Variants in RPAP2 observed in about 807,000 individuals in gnomAD.
RPAP2 encodes the protein putative RNA polymerase II subunit B1 CTD phosphatase RPAP2.
A neutral mutation model predicts 73.1 loss-of-function variants in RPAP2; 52 were observed. The ratio of observed to expected loss-of-function variants is 0.71; its 90% confidence interval spans 0.57 to 0.90. RPAP2 has a LOEUF of 0.90. Among genes scored for constraint, RPAP2 ranks in the 40% least tolerant of loss-of-function variants. RPAP2 has a pLI of 0.00. For synonymous variants in RPAP2, 225 were observed against 242.1 expected (o/e 0.93, Z 0.65); for missense variants, 598 against 701.8 (o/e 0.85, Z 1.67).
chr1:92,301,759 C>A (rs1650873924), intron 3 of RPAP2, among the ~76,000 whole-genome samples, 169 bp downstream of exon 3: 1 of 152,150 alleles, frequency 6.6e-6, no homozygotes, highest in African/African-American at 2.4e-5. Context: ...ATCATGCATT[C>A]CTTGTATAAT....
intron 11 of RPAP2, among the ~76,000 whole-genome samples, chr1:92,356,027 A>T (rs1196982183): frequency 6.6e-6 from 1 of 152,226 alleles, no homozygotes; most frequent in East Asian, 1.9e-4. Flanking sequence ...GAAATGTGTA[A>T]ATTAATTTTT....
At chr1:92,328,702 T>C (rs1336358732) in intron 8 of RPAP2, among the ~76,000 whole-genome samples, 3 of 152,202 alleles carry the variant, frequency 2.0e-5, no homozygotes, top group East Asian at 1.9e-4. Flanking sequence ...GTATGATGTT[T>C]TGGGTTGTTA....
At chr1:92,378,184 TATTCATTCATTCATTC>T (rs751055550) in intron 11 of RPAP2, among the ~76,000 whole-genome samples, 3 of 151,638 alleles carry the variant, frequency 2.0e-5, no homozygotes, top group South Asian at 4.2e-4. Context: ...CCACTTTATT[TATTCATTCATTCATTC>T]ATTCATTCAT....
In RPAP2 at chr1:92,345,848, T is replaced by A. The variant is rs1445027966; in HGVS notation, c.1622T>A (p.Leu541Ter). 3 of 1,577,296 alleles carry A rather than the reference T, an allele frequency of 1.9e-6. No homozygotes were observed. The highest frequency in any genetic ancestry group is 2.6e-6 in the Non-Finnish European group (3 of 1,149,690). The change falls in exon 11 of 13, where the codon TTA becomes TAA. Residue 541 changes from leucine to a stop codon, truncating the protein, a stop_gained and splice_region_variant. Transcript: ENST00000610020. LOFTEE classifies it high-confidence loss of function. ...QLKNLVRTFR[L>*]TNRNIIHKPA... ...GATAAATTTTATCTATCTTTCAGGT[T>A]AACAAATAGAAATATTATACACAAA...
intron 6 of RPAP2, 59 bp from the exon 7 acceptor site, chr1:92,320,540 G>T (rs997346052): frequency 3.9e-5 from 57 of 1,452,290 alleles, no homozygotes; most frequent in Non-Finnish European, 4.5e-5. Context: ...AAAGTGCTGG[G>T]GTTACAGGCA....
rs1165686427 is a variant in RPAP2 at position 92,324,127 on chromosome 1, G to A, written c.1207G>A (p.Val403Ile). 2.5e-6 allele frequency: 4 copies of A among 1,614,006 alleles called. No homozygotes were observed. The African/African-American group carries it at 4.0e-5, about 16-fold the overall frequency. Reference protein sequence around the residue: ...SVCLKPEASLVKEELDEDDII... With the variant: ...SVCLKPEASLIKEELDEDDII... Reference sequence around the variant, plus strand: ...GTGTCTGAAACCCGAAGCCTCTCTGGTTAAAGAAGAACTTGATGAAGATGA... The same window carrying A: ...GTGTCTGAAACCCGAAGCCTCTCTGATTAAAGAAGAACTTGATGAAGATGA... Residue 403 changes from valine (V) to isoleucine (I), a missense_variant, in exon 8 of 13, where the codon GTT becomes ATT. Val to Ile is a conservative substitution (Grantham distance 29). Coordinates refer to ENST00000610020, the MANE Select transcript of RPAP2 (RefSeq NM_024813.3).
At chr1:92,369,009 AGTT>A (rs1655041313) in intron 11 of RPAP2, among the ~76,000 whole-genome samples, 1 of 152,170 alleles carries the variant, frequency 6.6e-6, no homozygotes, top group Non-Finnish European at 1.5e-5. Context: ...TTATCATGTG[AGTT>A]GTTTTCAAAT....
At chr1:92,334,907 G>C (rs539105988) in intron 9 of RPAP2, among the ~76,000 whole-genome samples, 4 of 152,072 alleles carry the variant, frequency 2.6e-5, no homozygotes, top group Non-Finnish European at 4.4e-5. Context: ...AGAATGGCCC[G>C]AACCCAGGAG....
chr1:92,331,365 A>C (rs1475135074), intron 8 of RPAP2, among the ~76,000 whole-genome samples: 2 of 152,170 alleles, frequency 1.3e-5, no homozygotes, highest in African/African-American at 4.8e-5. Context: ...ATTTGGGTTT[A>C]AATCTACCAT....
chr1:92,338,628 C>G (rs1275462709), intron 10 of RPAP2, among the ~76,000 whole-genome samples: 1 of 149,490 alleles, frequency 6.7e-6, no homozygotes, highest in Non-Finnish European at 1.5e-5. Flanking sequence ...AAGGTCAGAT[C>G]AGGCAGAGGC....
intron 3 of RPAP2, among the ~76,000 whole-genome samples, chr1:92,302,414 T>C (rs141996663): frequency 5.9e-4 from 90 of 152,060 alleles, no homozygotes; most frequent in African/African-American, 2.0e-3. Flanking sequence ...TTGATTTTCT[T>C]CAATTTGTTC....
intron 11 of RPAP2, among the ~76,000 whole-genome samples, chr1:92,366,255 A>G (rs1275697122): frequency 6.6e-6 from 1 of 152,166 alleles, no homozygotes; most frequent in Non-Finnish European, 1.5e-5. Context: ...GTGAGCTGTG[A>G]TTGCACCACT....
intron 11 of RPAP2, among the ~76,000 whole-genome samples, chr1:92,347,182 TATC>T (rs946690128): frequency 6.6e-6 from 1 of 152,240 alleles, no homozygotes; most frequent in African/African-American, 2.4e-5. Flanking sequence ...ATAAATTTTT[TATC>T]AACCATAAGA....
intron 11 of RPAP2, among the ~76,000 whole-genome samples, chr1:92,379,796 G>A (rs1339880355): frequency 4.0e-5 from 6 of 151,402 alleles, no homozygotes; most frequent in South Asian, 2.1e-4. Flanking sequence ...TTAGCCAGGC[G>A]TGGTGGCACA....
rs187388358 is a variant in RPAP2, at chr1:92,398,487, G to A, written c.*11476G>A. 6.6e-6 allele frequency: 1 copy of A among 152,278 alleles called. No homozygotes were observed. The highest frequency in any genetic ancestry group is 6.5e-5 in the Admixed American group (1 of 15,286). The allele number at this position is 152,278 out of a possible 1,614,324, so 9.4% of individuals were successfully genotyped here. On this transcript the variant is annotated 3_prime_UTR_variant, in exon 13 of 13. Coordinates refer to ENST00000610020, the MANE Select transcript of RPAP2 (RefSeq NM_024813.3). ...CTCTAAAAAATTAACCTAGCCCAAG[G>A]TAAGTGGTACTATTCTGAAATCTGA...
chr1:92,321,811 A>G lies in RPAP2; in HGVS notation c.524+1177A>G, dbSNP rs149803866. Among the ~76,000 whole-genome samples the G allele has an allele frequency of 8.0e-4, 122 of 151,734 alleles. 1 individual carries two copies. The East Asian group carries it at 0.02, about 25-fold the overall frequency. On this transcript the variant is annotated intron_variant, in intron 7 of 12. Coordinates refer to ENST00000610020, the MANE Select transcript of RPAP2 (RefSeq NM_024813.3). ...TTTCCTGTGATTTTCATTCTGTAGA[A>G]TTTTCTGTACAACAATCAACCAGAA... is the stretch of plus-strand genomic sequence containing the variant.
chr1:92,319,138 C>T (rs1652103294), intron 6 of RPAP2, among the ~76,000 whole-genome samples: 1 of 152,080 alleles, frequency 6.6e-6, no homozygotes, highest in South Asian at 2.1e-4. Flanking sequence ...AGACTGTATC[C>T]ATCTTTATAA....
chr1:92,338,753 C>T lies in RPAP2; in HGVS notation c.1619+2326C>T, dbSNP rs189683646. Among the ~76,000 whole-genome samples, 43 of 151,422 alleles carry T rather than the reference C, an allele frequency of 2.8e-4. No individual in the cohort carries two copies. The East Asian group carries it at 7.0e-3, about 25-fold the overall frequency. Reference sequence around the variant, plus strand: ...GCAGCCTTAACTTCTGGGCTCAAGCCGCAGCCTGGCTAATTTTTTTTTTAA... The same window carrying T: ...GCAGCCTTAACTTCTGGGCTCAAGCTGCAGCCTGGCTAATTTTTTTTTTAA... On this transcript the variant is annotated intron_variant, in intron 10 of 12. Transcript: ENST00000610020.
At chr1:92,346,382 T>C (rs1397638748) in intron 11 of RPAP2, among the ~76,000 whole-genome samples, 1 of 152,150 alleles carries the variant, frequency 6.6e-6, no homozygotes, top group Non-Finnish European at 1.5e-5. Flanking sequence ...CAGGCTGGTC[T>C]TGAACTTCTG....
Sources: allele counts gnomAD v4.1 joint callset (sites outside exome capture counted in the v4.1 genomes callset), GRCh38; gene constraint gnomAD v4.1.1; transcripts MANE v1.5; gene names NCBI Gene and HGNC (gene_info 2026-07-23, HGNC 2026-07-21).